Variants in MYRIP observed in about 807,000 individuals in gnomAD.
The protein encoded by MYRIP is rab effector MyRIP.
In MYRIP, 49 loss-of-function variants were observed where a neutral mutation model predicts 98.0. The ratio of observed to expected loss-of-function variants is 0.50; its 90% CI spans 0.40 to 0.63. The LOEUF (loss-of-function observed/expected upper bound fraction) is 0.63, where lower values mean the gene tolerates loss of function less well. Among genes scored for constraint, MYRIP ranks in the 30% least tolerant of loss-of-function variants. MYRIP has a pLI of 0.00. For synonymous variants in MYRIP, 404 were observed against 409.5 expected (o/e 0.99, Z 0.16); for missense variants, 1,004 against 1,058.2 (o/e 0.95, Z 0.71).
intron 2 of MYRIP, among the ~76,000 whole-genome samples, chr3:39,998,857 C>T (rs924607334): frequency 6.6e-6 from 1 of 152,138 alleles, no homozygotes; most frequent in Non-Finnish European, 1.5e-5. Context: ...ACAACGGAGT[C>T]CTCAGAAATA....
chr3:40,217,658 A>T (rs912206328), intron 11 of MYRIP, among the ~76,000 whole-genome samples: 11 of 152,176 alleles, frequency 7.2e-5, no homozygotes, highest in African/African-American at 2.4e-4. Flanking sequence ...CCTTTTTACA[A>T]GTTTGATGAA....
At chr3:40,150,342 C>T (rs966467772) in intron 3 of MYRIP, among the ~76,000 whole-genome samples, 1 of 152,188 alleles carries the variant, frequency 6.6e-6, no homozygotes, top group Admixed American at 6.5e-5. Flanking sequence ...CCACCTGCCT[C>T]GGCCTTCCAA....
At chr3:40,085,791 A>C (rs947408910) in intron 3 of MYRIP, among the ~76,000 whole-genome samples, 10 of 152,238 alleles carry the variant, frequency 6.6e-5, no homozygotes, top group African/African-American at 2.4e-4. Flanking sequence ...ATATGGGTAC[A>C]TAAAATAGAC....
intron 2 of MYRIP, among the ~76,000 whole-genome samples, chr3:40,016,873 A>G (rs958928932): frequency 6.6e-6 from 1 of 152,206 alleles, no homozygotes; most frequent in Non-Finnish European, 1.5e-5. Context: ...TTTCCTGTAA[A>G]GAGCTGGCCA....
chr3:39,969,231 A>G lies in MYRIP; in HGVS notation c.110+68305A>G, dbSNP rs141674580. On this transcript the variant is annotated intron_variant, in intron 2 of 16. Transcript: ENST00000302541. ...TGGCTGGAGGAGTTTTGGGGCCGAG[A>G]CTGGGATTTTCTAGACATAGAATCA... is the stretch of plus-strand genomic sequence containing the variant. 6.6e-4 allele frequency among the ~76,000 whole-genome samples: 101 copies of G among 152,198 alleles called. 1 individual carries two copies. In the East Asian group the frequency reaches 0.017, roughly 25 times the overall value.
At chr3:39,978,984 T>C (rs901712568) in intron 2 of MYRIP, among the ~76,000 whole-genome samples, 1 of 152,180 alleles carries the variant, frequency 6.6e-6, no homozygotes, top group Non-Finnish European at 1.5e-5. Context: ...GGAAATTGCA[T>C]AGGAGGTGGA....
intron 1 of MYRIP, among the ~76,000 whole-genome samples, chr3:39,822,093 A>T (rs1941118782): frequency 6.6e-6 from 1 of 152,202 alleles, no homozygotes; most frequent in Non-Finnish European, 1.5e-5. Context: ...GTTTAAGTGT[A>T]TACCATTATG....
intron 1 of MYRIP, among the ~76,000 whole-genome samples, chr3:39,890,024 C>A (rs9827374): frequency 0.14 from 21,321 of 151,896 alleles, 2,525 homozygotes; most frequent in African/African-American, 0.32. Flanking sequence ...GAGACTCATT[C>A]TTCTCTACTC....
intron 4 of MYRIP, 134 bp downstream of exon 4, chr3:40,151,318 A>G (rs1950114414): frequency 1.0e-6 from 1 of 974,402 alleles, no homozygotes; most frequent in Non-Finnish European, 1.4e-6. Flanking sequence ...ACCAGTGAGA[A>G]GCAGAAATAG....
At chr3:40,197,786 T>C (rs1951439323) in intron 10 of MYRIP, among the ~76,000 whole-genome samples, 1 of 152,188 alleles carries the variant, frequency 6.6e-6, no homozygotes, top group Admixed American at 6.5e-5. Flanking sequence ...GGCTAACTTG[T>C]TTCCTTCTCT....
At chr3:39,848,226 A>G (rs1170839389) in intron 1 of MYRIP, among the ~76,000 whole-genome samples, 2 of 152,178 alleles carry the variant, frequency 1.3e-5, no homozygotes, top group African/African-American at 2.4e-5. Flanking sequence ...ATGTTTCCTC[A>G]TGCTATTGCA....
intron 11 of MYRIP, among the ~76,000 whole-genome samples, chr3:40,225,760 GCTT>G (rs1952468422): frequency 6.6e-6 from 1 of 152,120 alleles, no homozygotes; most frequent in Admixed American, 6.5e-5. Flanking sequence ...TTCCCTCCTT[GCTT>G]CTTCTCTTCC....
chr3:40,228,631 T>C (rs1328357489), intron 11 of MYRIP, among the ~76,000 whole-genome samples: 1 of 152,222 alleles, frequency 6.6e-6, no homozygotes, highest in African/African-American at 2.4e-5. Flanking sequence ...GCCTTTTTGC[T>C]CTTGTTCTTG....
chr3:39,914,827 C>A (rs143949727), intron 2 of MYRIP, among the ~76,000 whole-genome samples: 1 of 152,164 alleles, frequency 6.6e-6, no homozygotes, highest in African/African-American at 2.4e-5. Context: ...TAAAACATTT[C>A]TCCAGCCATA....
intron 2 of MYRIP, among the ~76,000 whole-genome samples, chr3:40,017,996 A>AAAATTTCTCAT (rs1384454689): frequency 6.6e-6 from 1 of 152,196 alleles, no homozygotes; most frequent in East Asian, 1.9e-4. Flanking sequence ...ATGCAAAATG[A>AAAATTTCTCAT]GAGAATTGAG....
intron 3 of MYRIP, among the ~76,000 whole-genome samples, chr3:40,078,535 G>A (rs116010949): frequency 1.5e-3 from 225 of 152,324 alleles, no homozygotes; most frequent in African/African-American, 5.3e-3. Context: ...GAGCCCTTTG[G>A]AATTGTGATT....
intron 2 of MYRIP, 134 bp from the exon 3 acceptor site, chr3:40,043,916 C>G: frequency 1.5e-6 from 1 of 681,868 alleles, no homozygotes; most frequent in South Asian, 1.9e-5. Context: ...TTTCTGAGTT[C>G]TCTTGTTCTC....
intron 3 of MYRIP, among the ~76,000 whole-genome samples, chr3:40,141,723 C>T (rs1005167761): frequency 6.6e-6 from 1 of 152,146 alleles, no homozygotes; most frequent in African/African-American, 2.4e-5. Context: ...AGTGAGTGTT[C>T]TTGGCACCTT....
At chr3:40,060,010 G>A (rs1253512723) in intron 3 of MYRIP, among the ~76,000 whole-genome samples, 1 of 152,172 alleles carries the variant, frequency 6.6e-6, no homozygotes, top group African/African-American at 2.4e-5. Context: ...AATGGGATAA[G>A]GCTTTCTGCA....
Sources: gnomAD v4.1 joint callset for allele counts (sites outside exome capture counted in the v4.1 genomes callset) on GRCh38, gnomAD v4.1.1 for gene constraint, MANE v1.5 for transcripts, NCBI Gene and HGNC (gene_info 2026-07-23, HGNC 2026-07-21) for gene names.